GON4L: variants seen among roughly 807,000 people sequenced by gnomAD.
GON4L encodes the protein gon-4 like.
Under a neutral mutation model 211.8 loss-of-function variants are expected in GON4L, and 87 were observed. That is an observed-to-expected ratio of 0.41 (90% CI 0.35 to 0.49). GON4L has a LOEUF of 0.49. GON4L is among the 20% of genes least tolerant of loss of function. The pLI is 0.15. For synonymous variants in GON4L, 875 were observed against 962.6 expected (o/e 0.91, Z 1.68); for missense variants, 2,155 against 2,659.5 (o/e 0.81, Z 4.17).
At chr1:155,749,181 G>A, downstream of GON4L, 1 of 1,107,988 alleles carries the variant, frequency 9.0e-7, no homozygotes, top group Non-Finnish European at 1.3e-6. Flanking sequence ...GAACCTGGGA[G>A]GTGGAGGTTG....
chr1:155,789,286 C>A (rs1302353564), intron 12 of GON4L, among the ~76,000 whole-genome samples: 1 of 151,884 alleles, frequency 6.6e-6, no homozygotes, highest in African/African-American at 2.4e-5. Flanking sequence ...GTAAAATTAC[C>A]TATAAAAAGA....
chr1:155,761,902 A>G (rs1245079269), intron 23 of GON4L, among the ~76,000 whole-genome samples: 1 of 152,126 alleles, frequency 6.6e-6, no homozygotes, highest in Non-Finnish European at 1.5e-5. Context: ...TTATCAGCGC[A>G]CCCAGTAAAG....
intron 31 of GON4L, among the ~76,000 whole-genome samples, chr1:155,751,253 C>G (rs1250745511): frequency 3.3e-5 from 5 of 152,176 alleles, no homozygotes; most frequent in Admixed American, 6.5e-5. Context: ...ACTGGGGCTT[C>G]CACTTTAAAA....
At position 155,771,051 on chromosome 1, in the gene GON4L, T is replaced by C. The variant is rs1216655429; in HGVS notation, c.2646+16A>G. Reference sequence around the variant, plus strand: ...ATTGGTGAGGTGCCCGGATGGCGCATGCAGGAAACACTCACTTTAATGATG... The same window carrying C: ...ATTGGTGAGGTGCCCGGATGGCGCACGCAGGAAACACTCACTTTAATGATG... On this transcript the variant is annotated intron_variant, in intron 19 of 31. Coordinates refer to ENST00000368331, the MANE Select transcript of GON4L (RefSeq NM_001282860.2). 1.9e-6 allele frequency: 3 copies of C among 1,614,158 alleles called. No homozygotes were observed. The highest frequency in any genetic ancestry group is 1.1e-5 in the South Asian group (1 of 91,084).
downstream of GON4L, chr1:155,746,242 C>CTCATCTCCGGTCCTGGAGCTCGGTAA: frequency 7.2e-7 from 1 of 1,393,148 alleles, no homozygotes; most frequent in Non-Finnish European, 9.8e-7. Context: ...TACCGAGCTC[C>CTCATCTCCGGTCCTGGAGCTCGGTAA]AGGACCGGAG....
intron 24 of GON4L, among the ~76,000 whole-genome samples, chr1:155,759,965 T>TTTTA (rs1553196524): frequency 6.9e-6 from 1 of 144,282 alleles, no homozygotes; most frequent in African/African-American, 2.5e-5. Flanking sequence ...ATTTTATATA[T>TTTTA]TATATATATA....
intron 25 of GON4L, among the ~76,000 whole-genome samples, chr1:155,757,650 A>G (rs1661337871): frequency 7.2e-6 from 1 of 138,276 alleles, no homozygotes; most frequent in Non-Finnish European, 1.6e-5. Flanking sequence ...CCCTTCCAGC[A>G]CATCCATGGC....
At chr1:155,791,439 G>A (rs551152642) in intron 12 of GON4L, among the ~76,000 whole-genome samples, 2 of 149,708 alleles carry the variant, frequency 1.3e-5, no homozygotes, top group East Asian at 3.9e-4. Flanking sequence ...AGGCTTTGGA[G>A]AAGAAGAAAC....
At chr1:155,835,328 C>A (rs868808275) in intron 2 of GON4L, among the ~76,000 whole-genome samples, 4 of 151,912 alleles carry the variant, frequency 2.6e-5, no homozygotes, top group Non-Finnish European at 5.9e-5. Context: ...ACAAACACTG[C>A]GGAAGGCCGC....
chr1:155,793,512 A>C (rs960933489), intron 12 of GON4L, among the ~76,000 whole-genome samples: 3 of 152,220 alleles, frequency 2.0e-5, no homozygotes, highest in African/African-American at 7.2e-5. Flanking sequence ...AATAAAAATC[A>C]ATGGCTTATG....
intron 14 of GON4L, among the ~76,000 whole-genome samples, chr1:155,782,094 C>T (rs1247117525): frequency 6.6e-6 from 1 of 152,170 alleles, no homozygotes; most frequent in East Asian, 1.9e-4. Flanking sequence ...GGATAACTGA[C>T]AAGGGAAGCA....
At chr1:155,833,750 G>GGAGAGGAA (rs1670027597) in intron 2 of GON4L, among the ~76,000 whole-genome samples, 1 of 127,228 alleles carries the variant, frequency 7.9e-6, no homozygotes, top group Non-Finnish European at 1.7e-5. Flanking sequence ...GAGGAGAGGA[G>GGAGAGGAA]GAGGGGAGGA....
chr1:155,795,165 G>T lies in GON4L; in HGVS notation c.1646-14C>A, dbSNP rs1477344829. The T allele has an allele frequency of 1.5e-6, 2 of 1,358,736 alleles. No individual in the cohort carries two copies. The highest frequency in any genetic ancestry group is 2.1e-6 in the Non-Finnish European group (2 of 947,326). 84.2% of individuals were successfully genotyped at this position (1,358,736 alleles called of 1,614,324 possible). A position where few individuals can be genotyped will look rare whatever the true frequency, so the allele number is the denominator to read the frequency against. On this transcript the variant is annotated splice_polypyrimidine_tract_variant and intron_variant, in intron 11 of 31. Transcript: ENST00000368331. ...CATCTGCTTCATCTAGGAAAAAAAAGTGTTTCAGATGCTCATTAACTCTGT... is the reference window on the plus strand; with the variant it reads ...CATCTGCTTCATCTAGGAAAAAAAATTGTTTCAGATGCTCATTAACTCTGT...
chr1:155,781,086 T>C (rs1304855377), intron 14 of GON4L, among the ~76,000 whole-genome samples: 1 of 151,960 alleles, frequency 6.6e-6, no homozygotes, highest in Admixed American at 6.6e-5. Context: ...CATAAAAAAG[T>C]AGGTAATGAA....
At chr1:155,843,017 C>G (rs1670922541) in intron 2 of GON4L, among the ~76,000 whole-genome samples, 1 of 151,250 alleles carries the variant, frequency 6.6e-6, no homozygotes. Context: ...TGAATCCCTA[C>G]AGGCACAAGA....
intron 16 of GON4L, 28 bp from the exon 17 acceptor site, chr1:155,775,201 T>A (rs1434458908): frequency 2.5e-6 from 4 of 1,614,128 alleles, no homozygotes; most frequent in Non-Finnish European, 3.4e-6. Flanking sequence ...AAGAAAGATT[T>A]AAGACAATTC....
rs1167676520 is a variant in GON4L, at chr1:155,821,473, C to A, written c.963+1G>T. On this transcript the variant is annotated splice_donor_variant, in intron 5 of 31. Coordinates refer to ENST00000368331, the MANE Select transcript of GON4L (RefSeq NM_001282860.2). LOFTEE classifies it high-confidence loss of function. ...TAAAAGAGTGATAATCAACTACTCA[C>A]AAACATTGGCATATCTTCCGTCTCA... 1 of 1,564,406 alleles carries A rather than the reference C, an allele frequency of 6.4e-7. No individual in the cohort carries two copies. Among genetic ancestry groups the A allele is most frequent in the African/African-American group, 1.4e-5 (1 of 73,978 alleles).
At chr1:155,790,798 G>A (rs1203271942) in intron 12 of GON4L, among the ~76,000 whole-genome samples, 4 of 151,676 alleles carry the variant, frequency 2.6e-5, no homozygotes, top group African/African-American at 9.7e-5. Flanking sequence ...ACAAAAATTA[G>A]CTGGGCATGG....
intron 12 of GON4L, among the ~76,000 whole-genome samples, chr1:155,794,211 A>G (rs1665872247): frequency 6.6e-6 from 1 of 152,102 alleles, no homozygotes; most frequent in Non-Finnish European, 1.5e-5. Context: ...AGCTGGGATT[A>G]CAGGTGCCTA....
Sources: gnomAD v4.1 joint callset for allele counts (sites outside exome capture counted in the v4.1 genomes callset) on GRCh38, gnomAD v4.1.1 for gene constraint, MANE v1.5 for transcripts, NCBI Gene and HGNC (gene_info 2026-07-23, HGNC 2026-07-21) for gene names.